Variants in DIRAS2 observed in about 807,000 individuals in gnomAD.
The protein encoded by DIRAS2 is GTP-binding protein Di-Ras2.
DIRAS2 carries 5 observed loss-of-function variants against 13.9 expected under a neutral mutation model. The observed-to-expected ratio is 0.36, with a 90% CI of 0.19 to 0.76. The LOEUF is 0.76. DIRAS2 is among the 30% of genes least tolerant of loss of function. DIRAS2 has a pLI of 0.53. For synonymous variants in DIRAS2, 111 were observed against 105.4 expected (o/e 1.05, Z -0.33); for missense variants, 191 against 263.0 (o/e 0.73, Z 1.89).
At chr9:90,629,183 C>T (rs1425935868) in intron 1 of DIRAS2, among the ~76,000 whole-genome samples, 1 of 152,188 alleles carries the variant, frequency 6.6e-6, no homozygotes, top group Non-Finnish European at 1.5e-5. Context: ...TTAATTTCAT[C>T]TTTTTACTTT....
chr9:90,615,239 G>A (rs188053726), intron 1 of DIRAS2, among the ~76,000 whole-genome samples: 4 of 152,176 alleles, frequency 2.6e-5, no homozygotes, highest in African/African-American at 4.8e-5. Flanking sequence ...AGAACATCAG[G>A]TCAAAGCCCT....
chr9:90,618,294 A>C (rs1450432650), intron 1 of DIRAS2, among the ~76,000 whole-genome samples: 1 of 152,188 alleles, frequency 6.6e-6, no homozygotes, highest in African/African-American at 2.4e-5. Flanking sequence ...TTTTTTGACA[A>C]GGGTGTCAAT....
intron 1 of DIRAS2, among the ~76,000 whole-genome samples, chr9:90,638,590 G>A (rs560374047): frequency 6.6e-6 from 1 of 152,232 alleles, no homozygotes; most frequent in Admixed American, 6.5e-5. Context: ...TTAAGTGTCA[G>A]ATGATTGTTT....
chr9:90,642,542 G>A (rs1311422825), intron 1 of DIRAS2, among the ~76,000 whole-genome samples: 3 of 152,116 alleles, frequency 2.0e-5, no homozygotes, highest in African/African-American at 4.8e-5. Context: ...AAAAGAACAT[G>A]TTTTAGACAA....
At chr9:90,639,511 G>A (rs1435011368) in intron 1 of DIRAS2, among the ~76,000 whole-genome samples, 1 of 152,182 alleles carries the variant, frequency 6.6e-6, no homozygotes, top group Non-Finnish European at 1.5e-5. Context: ...AGAATTGAAT[G>A]ACCCATAATG....
intron 1 of DIRAS2, among the ~76,000 whole-genome samples, chr9:90,629,927 T>C (rs1825308411): frequency 6.6e-6 from 1 of 152,208 alleles, no homozygotes; most frequent in Admixed American, 6.5e-5. Flanking sequence ...CACAGAGCTT[T>C]GCTAAATAGT....
At chr9:90,629,950 CA>C (rs1269536013) in intron 1 of DIRAS2, among the ~76,000 whole-genome samples, 2 of 152,168 alleles carry the variant, frequency 1.3e-5, no homozygotes, top group Non-Finnish European at 2.9e-5. Context: ...GGCAAAAGTA[CA>C]AATGTTCCCA....
intron 1 of DIRAS2, among the ~76,000 whole-genome samples, chr9:90,617,991 C>T (rs1825184773): frequency 6.6e-6 from 1 of 152,124 alleles, no homozygotes; most frequent in Non-Finnish European, 1.5e-5. Flanking sequence ...AGCAGTATTT[C>T]CAGGAATCAC....
chr9:90,623,058 T>C (rs10993610), intron 1 of DIRAS2, among the ~76,000 whole-genome samples: 29,431 of 152,196 alleles, frequency 0.19, 3,510 homozygotes, highest in Non-Finnish European at 0.28. Flanking sequence ...ATAGAAGTAG[T>C]TTCTTATCTT....
At chr9:90,630,875 G>A (rs967880951) in intron 1 of DIRAS2, among the ~76,000 whole-genome samples, 1 of 152,082 alleles carries the variant, frequency 6.6e-6, no homozygotes. Context: ...TTTTGGAAAG[G>A]GACATATAAA....
In DIRAS2 at chr9:90,610,127, A is replaced by G. The variant is rs1262187374; in HGVS notation, c.*3101T>C. 4 of 282,300 alleles carry G rather than the reference A, an allele frequency of 1.4e-5. No individual in the cohort carries two copies. The highest frequency in any genetic ancestry group is 8.6e-5 in the African/African-American group (4 of 46,252). 17.5% of individuals were successfully genotyped at this position (282,300 alleles called of 1,614,324 possible). ...TGTCCTATTAGTTGTAGATATTTCC[A>G]GAGAACTTATGTAGAAGCAACACAT... On this transcript the variant is annotated 3_prime_UTR_variant, in exon 2 of 2. Transcript: ENST00000375765.
At chr9:90,636,778 T>C (rs1825375423) in intron 1 of DIRAS2, among the ~76,000 whole-genome samples, 1 of 152,212 alleles carries the variant, frequency 6.6e-6, no homozygotes, top group Admixed American at 6.5e-5. Flanking sequence ...GACAAATACA[T>C]GGAAGTATGG....
At chr9:90,637,598 T>C (rs1020696623) in intron 1 of DIRAS2, among the ~76,000 whole-genome samples, 8 of 152,242 alleles carry the variant, frequency 5.3e-5, no homozygotes, top group Non-Finnish European at 1.2e-4. Flanking sequence ...AAACAAGATG[T>C]CTGTTTCTCA....
chr9:90,615,126 G>T (rs984933960), intron 1 of DIRAS2, among the ~76,000 whole-genome samples: 3 of 152,096 alleles, frequency 2.0e-5, no homozygotes, highest in Non-Finnish European at 4.4e-5. Context: ...ACAATAAAAA[G>T]CTTTACTGAA....
intron 1 of DIRAS2, among the ~76,000 whole-genome samples, chr9:90,639,695 G>C (rs1418735497): frequency 6.6e-6 from 1 of 152,114 alleles, no homozygotes; most frequent in Admixed American, 6.6e-5. Flanking sequence ...CATGTGAGTT[G>C]GATCCCTCGT....
Position 90,610,151 on chromosome 9 carries a change from A to T in DIRAS2, c.*3077T>A. On this transcript the variant is annotated 3_prime_UTR_variant, in exon 2 of 2. Coordinates refer to ENST00000375765, the MANE Select transcript of DIRAS2 (RefSeq NM_017594.5). ...CAGAGAACTTATGTAGAAGCAACAC[A>T]TTACAAATTTTGGGGAAAAAAATTA... 3.1e-6 allele frequency: 1 copy of T among 319,560 alleles called. No individual in the cohort carries two copies. Among genetic ancestry groups the T allele is most frequent in the Non-Finnish European group, 5.6e-6 (1 of 178,764 alleles). The allele number at this position is 319,560 out of a possible 1,614,324, so 19.8% of individuals were successfully genotyped here.
chr9:90,623,830 A>G (rs987123536), intron 1 of DIRAS2, among the ~76,000 whole-genome samples: 1 of 152,206 alleles, frequency 6.6e-6, no homozygotes, highest in Non-Finnish European at 1.5e-5. Flanking sequence ...GCTTCAACCC[A>G]GCTGCTCAAG....
At chr9:90,638,563 G>C (rs111460534) in intron 1 of DIRAS2, among the ~76,000 whole-genome samples, 3 of 152,236 alleles carry the variant, frequency 2.0e-5, no homozygotes, top group Non-Finnish European at 4.4e-5. Flanking sequence ...GAAGCAAAAG[G>C]CTTAGTCAAT....
At chr9:90,614,392 A>T (rs375765885) in intron 1 of DIRAS2, among the ~76,000 whole-genome samples, 5 of 150,318 alleles carry the variant, frequency 3.3e-5, no homozygotes, top group African/African-American at 1.2e-4. Context: ...AGGGAAAAGG[A>T]TGTTCTAATA....
Sources: gnomAD v4.1 joint callset for allele counts (sites outside exome capture counted in the v4.1 genomes callset) on GRCh38, gnomAD v4.1.1 for gene constraint, MANE v1.5 for transcripts, NCBI Gene and HGNC (gene_info 2026-07-23, HGNC 2026-07-21) for gene names.